HIVEP3: variants seen among roughly 807,000 people sequenced by gnomAD.
The protein encoded by HIVEP3 is transcription factor HIVEP3.
In HIVEP3, 49 loss-of-function variants were observed where a neutral mutation model predicts 152.8. The ratio of observed to expected loss-of-function variants is 0.32; its 90% CI spans 0.26 to 0.41. The LOEUF (loss-of-function observed/expected upper bound fraction) is 0.41. HIVEP3 is among the 10% of genes least tolerant of loss of function. The probability of loss-of-function intolerance (pLI) is 1.00; values close to 1 mark genes in which losing one functional copy is unlikely to be tolerated. For missense variants in HIVEP3, 2,790 were observed against 3,103.3 expected (o/e 0.90, Z 2.40); for synonymous variants, 1,269 against 1,289.0 (o/e 0.98, Z 0.33).
chr1:41,802,277 G>A (rs182623697), intron 1 of HIVEP3, among the ~76,000 whole-genome samples: 2 of 152,200 alleles, frequency 1.3e-5, no homozygotes, highest in African/African-American at 4.8e-5. Context: ...GTGCAGTGGC[G>A]CCATCTCAGC....
At chr1:41,916,142 A>G (rs968998673) in intron 1 of HIVEP3, among the ~76,000 whole-genome samples, 1 of 152,162 alleles carries the variant, frequency 6.6e-6, no homozygotes, top group Non-Finnish European at 1.5e-5. Flanking sequence ...TCTTGCCTGT[A>G]CCTTTCACAC....
At chr1:41,545,680 CCACCATCACCACCAT>C (rs1643775444) in intron 5 of HIVEP3, among the ~76,000 whole-genome samples, 1 of 24,808 alleles carries the variant, frequency 4.0e-5, no homozygotes, top group Non-Finnish European at 7.6e-5. Context: ...GCCACCACCA[CCACCATCACCACCAT>C]CACCACCACC....
In HIVEP3 at chr1:41,618,003, T is replaced by C. The variant is rs954808785; in HGVS notation, c.-522+10746A>G. 2.0e-5 allele frequency among the ~76,000 whole-genome samples: 3 copies of C among 152,160 alleles called. No homozygotes were observed. The East Asian group carries it at 5.8e-4, about 30-fold the overall frequency. Reference sequence around the variant, plus strand: ...GAGACCAGGGTCACTGGTGGGTGCATTTCCCCAGCTCTCTCTGCCTGCTGG... The same window carrying C: ...GAGACCAGGGTCACTGGTGGGTGCACTTCCCCAGCTCTCTCTGCCTGCTGG... On this transcript the variant is annotated intron_variant, in intron 3 of 8. Transcript: ENST00000372583.
intron 5 of HIVEP3, among the ~76,000 whole-genome samples, chr1:41,567,077 C>G (rs538038309): frequency 1.3e-5 from 2 of 152,258 alleles, no homozygotes; most frequent in South Asian, 4.1e-4. Context: ...TCTCAAAAGT[C>G]ACATGTCCAA....
Position 41,770,061 on chromosome 1 carries a change from C to G in HIVEP3, c.-800-69066G>C, listed in dbSNP as rs1276727725. The stretch of plus-strand genomic sequence containing the variant: ...TTGGCTCACTGCAAGCTCTGCCTCC[C>G]GGGTTCACACCATTCTCCTGCCTCA... On this transcript the variant is annotated intron_variant, in intron 1 of 8. Transcript: ENST00000372583. Among the ~76,000 whole-genome samples the G allele has an allele frequency of 2.0e-5, 3 of 152,140 alleles. No individual in the cohort carries two copies. In the South Asian group the frequency reaches 6.2e-4, roughly 32 times the overall value.
At chr1:41,545,073 A>C in intron 5 of HIVEP3, among the ~76,000 whole-genome samples, 1 of 122,116 alleles carries the variant, frequency 8.2e-6, no homozygotes, top group Non-Finnish European at 1.8e-5. Flanking sequence ...CACCACCACC[A>C]ACATCACCAC....
At chr1:41,887,574 G>C (rs1570741336) in intron 1 of HIVEP3, among the ~76,000 whole-genome samples, 1 of 152,174 alleles carries the variant, frequency 6.6e-6, no homozygotes, top group Non-Finnish European at 1.5e-5. Flanking sequence ...TGGGCTACAA[G>C]GGTCAGGGTG....
At chr1:41,883,873 T>G (rs1374881896) in intron 1 of HIVEP3, among the ~76,000 whole-genome samples, 1 of 152,164 alleles carries the variant, frequency 6.6e-6, no homozygotes, top group African/African-American at 2.4e-5. Flanking sequence ...GCTAGAAAAT[T>G]TAAAAGGACA....
At chr1:41,657,907 G>A (rs1248136042) in intron 2 of HIVEP3, among the ~76,000 whole-genome samples, 1 of 152,176 alleles carries the variant, frequency 6.6e-6, no homozygotes, top group Non-Finnish European at 1.5e-5. Context: ...CTGACTTCCT[G>A]GGCCTCCTGC....
At chr1:41,845,855 T>A (rs564281562) in intron 1 of HIVEP3, among the ~76,000 whole-genome samples, 1 of 152,216 alleles carries the variant, frequency 6.6e-6, no homozygotes, top group Non-Finnish European at 1.5e-5. Context: ...TCACCTGAGG[T>A]CAGGAGTTCA....
At chr1:41,929,650 G>A (rs1399576607) in intron 1 of HIVEP3, among the ~76,000 whole-genome samples, 2 of 149,538 alleles carry the variant, frequency 1.3e-5, no homozygotes, top group African/African-American at 4.9e-5. Flanking sequence ...ACATATGTAT[G>A]TATATTTATC....
chr1:41,885,075 TG>T (rs1209079162), intron 1 of HIVEP3, among the ~76,000 whole-genome samples: 1 of 152,190 alleles, frequency 6.6e-6, no homozygotes, highest in Non-Finnish European at 1.5e-5. Context: ...CTGCACCAGC[TG>T]AGAACCATGT....
At chr1:41,556,207 C>A (rs998822907) in intron 5 of HIVEP3, among the ~76,000 whole-genome samples, 2 of 152,120 alleles carry the variant, frequency 1.3e-5, no homozygotes, top group Non-Finnish European at 2.9e-5. Context: ...ACTACCATAC[C>A]GTTTTTCACA....
intron 1 of HIVEP3, among the ~76,000 whole-genome samples, chr1:41,852,086 C>T (rs1016234754): frequency 1.3e-5 from 2 of 152,222 alleles, no homozygotes; most frequent in African/African-American, 4.8e-5. Context: ...ATTGATAAGA[C>T]CACATAGGCT....
intron 3 of HIVEP3, among the ~76,000 whole-genome samples, chr1:41,615,677 C>T (rs1360945114): frequency 1.3e-5 from 2 of 152,068 alleles, no homozygotes; most frequent in Non-Finnish European, 2.9e-5. Context: ...AGGGCAAGCC[C>T]GGTGGGGGCA....
At chr1:42,004,556 G>A (rs973394381) in intron 1 of HIVEP3, among the ~76,000 whole-genome samples, 1 of 152,122 alleles carries the variant, frequency 6.6e-6, no homozygotes, top group African/African-American at 2.4e-5. Flanking sequence ...CAGAACTGCC[G>A]ACCGCTTGAG....
chr1:41,562,643 C>CTCTCTCTT (rs1644095703), intron 5 of HIVEP3, among the ~76,000 whole-genome samples: 29 of 119,478 alleles, frequency 2.4e-4, no homozygotes, highest in African/African-American at 9.1e-4. Flanking sequence ...CCCTCTCTCT[C>CTCTCTCTT]TCTTTCTTTC....
intron 1 of HIVEP3, among the ~76,000 whole-genome samples, chr1:42,001,123 G>C (rs2124523693): frequency 1.3e-5 from 2 of 152,278 alleles, no homozygotes; most frequent in East Asian, 3.9e-4. Context: ...CCCAAGGTTA[G>C]ACACAGAACC....
At chr1:42,007,327 T>A (rs1423524086) in intron 1 of HIVEP3, among the ~76,000 whole-genome samples, 5 of 152,136 alleles carry the variant, frequency 3.3e-5, no homozygotes, top group Admixed American at 3.3e-4. Flanking sequence ...ACATCTTGAG[T>A]GGGATTCTAG....
Sources: gnomAD v4.1 joint callset for allele counts (sites outside exome capture counted in the v4.1 genomes callset) on GRCh38, gnomAD v4.1.1 for gene constraint, MANE v1.5 for transcripts, NCBI Gene and HGNC (gene_info 2026-07-23, HGNC 2026-07-21) for gene names.